CNKSR2: variants seen among roughly 807,000 people sequenced by gnomAD.
The protein encoded by CNKSR2 is connector enhancer of kinase suppressor of Ras 2.
CNKSR2 carries 14 observed loss-of-function variants against 84.4 expected under a neutral mutation model. The ratio of observed to expected loss-of-function variants is 0.17; its 90% CI spans 0.11 to 0.26. The LOEUF (loss-of-function observed/expected upper bound fraction) is 0.26. CNKSR2 is among the 10% of genes least tolerant of loss of function. The pLI, the probability that CNKSR2 is intolerant of heterozygous loss-of-function variation, is 1.00. For missense variants in CNKSR2, 485 were observed against 771.2 expected (o/e 0.63, Z 4.40); for synonymous variants, 275 against 277.9 (o/e 0.99, Z 0.10).
rs760688547 is a variant in CNKSR2 at position 21,526,279 on chromosome X, A to G, written c.958-588A>G. Among the ~76,000 whole-genome samples the G allele has an allele frequency of 2.7e-4, 30 of 111,540 alleles. No homozygotes were observed. The South Asian group carries it at 0.011, about 42-fold the overall frequency. ...TACCATAAAATGGCTTTGAGAAGACAGCTATGCTTATTTTGACAGAAAAAA... is the reference window on the plus strand; with the variant it reads ...TACCATAAAATGGCTTTGAGAAGACGGCTATGCTTATTTTGACAGAAAAAA... On this transcript the variant is annotated intron_variant, in intron 9 of 21. Transcript: ENST00000379510.
intron 13 of CNKSR2, among the ~76,000 whole-genome samples, chrX:21,582,747 T>G (rs1336356501): frequency 8.9e-6 from 1 of 112,022 alleles, no homozygotes. Flanking sequence ...AGTAAATGAT[T>G]ATTATTTTGA....
intron 8 of CNKSR2, 90 bp downstream of exon 8, chrX:21,501,678 T>G (rs949585577): frequency 7.1e-6 from 3 of 423,927 alleles, no homozygotes; most frequent in Non-Finnish European, 1.2e-5. Context: ...AAATTCCTGT[T>G]TGTATACAAA....
chrX:21,477,023 G>T (rs2091267132), intron 5 of CNKSR2, among the ~76,000 whole-genome samples: 1 of 111,869 alleles, frequency 8.9e-6, no homozygotes, highest in Non-Finnish European at 1.9e-5. Flanking sequence ...TGAGTCTGGA[G>T]TGATAAGCTC....
At chrX:21,497,960 G>A in intron 7 of CNKSR2, 114 bp downstream of exon 7, 1 of 419,642 alleles carries the variant, frequency 2.4e-6, no homozygotes, top group Non-Finnish European at 4.2e-6. Context: ...TGAACAGATA[G>A]TAGATACAAT....
intron 13 of CNKSR2, among the ~76,000 whole-genome samples, chrX:21,584,563 G>A (rs2092373498): frequency 8.9e-6 from 1 of 112,264 alleles, no homozygotes; most frequent in Non-Finnish European, 1.9e-5. Flanking sequence ...GAGGGCAATT[G>A]GGATAACAAT....
At chrX:21,540,491 A>G in intron 11 of CNKSR2, among the ~76,000 whole-genome samples, 1 of 112,121 alleles carries the variant, frequency 8.9e-6, no homozygotes, top group Non-Finnish European at 1.9e-5. Flanking sequence ...TTTGAAAATA[A>G]TGATAACGAA....
chrX:21,391,947 A>G (rs963046176), intron 1 of CNKSR2, among the ~76,000 whole-genome samples: 1 of 111,938 alleles, frequency 8.9e-6, no homozygotes, highest in Non-Finnish European at 1.9e-5. Context: ...CTTCTGCCAG[A>G]TACCCTAAAT....
chrX:21,466,117 A>G (rs1030917846), intron 4 of CNKSR2, among the ~76,000 whole-genome samples: 2 of 112,058 alleles, frequency 1.8e-5, no homozygotes, highest in African/African-American at 3.2e-5. Flanking sequence ...TTTTTTGCAT[A>G]TACAATAAAA....
intron 17 of CNKSR2, 98 bp downstream of exon 17, chrX:21,595,493 C>A: frequency 2.1e-6 from 1 of 479,531 alleles, no homozygotes; most frequent in Non-Finnish European, 3.5e-6. Flanking sequence ...GTTTCTAGGT[C>A]AATCAGTTTA....
rs757776373 is a variant in CNKSR2, at chrX:21,426,624, A to G, written c.192A>G (p.Glu64=). The change falls in exon 2 of 22, where the codon GAA becomes GAG. Residue 64 remains glutamate (E), a synonymous_variant. Coordinates refer to ENST00000379510, the MANE Select transcript of CNKSR2 (RefSeq NM_014927.5). ...GGGTCAGCCGCATTGGCCATCAGGA[A>G]CTGATCTTGGAAGCAGTTGACCTTC... ...DLGVSRIGHQ[E]LILEAVDLLC... The G allele has an allele frequency of 8.3e-5, 100 of 1,204,710 alleles. No individual in the cohort carries two copies. Among genetic ancestry groups the G allele is most frequent in the Non-Finnish European group, 1.1e-4 (96 of 893,446 alleles).
intron 5 of CNKSR2, among the ~76,000 whole-genome samples, chrX:21,472,963 C>A (rs2091216441): frequency 9.0e-6 from 1 of 110,873 alleles, no homozygotes; most frequent in Admixed American, 9.6e-5. Context: ...TTCTTAATCA[C>A]TAAATATTTT....
At chrX:21,468,072 T>TA (rs1445745263) in intron 4 of CNKSR2, among the ~76,000 whole-genome samples, 1 of 110,898 alleles carries the variant, frequency 9.0e-6, no homozygotes, top group African/African-American at 3.3e-5. Flanking sequence ...CTTCTAAAGT[T>TA]AAAAATACTT....
intron 20 of CNKSR2, among the ~76,000 whole-genome samples, chrX:21,620,890 A>T (rs771599562): frequency 3.1e-4 from 34 of 111,368 alleles, no homozygotes; most frequent in African/African-American, 9.1e-4. Context: ...CGAAGTGTTT[A>T]GGAAGAGGCT....
At chrX:21,636,842 T>C (rs2092674392) in intron 20 of CNKSR2, among the ~76,000 whole-genome samples, 1 of 111,037 alleles carries the variant, frequency 9.0e-6, no homozygotes, top group Non-Finnish European at 1.9e-5. Context: ...AAACCTTTAC[T>C]GAACGATATA....
At chrX:21,583,488 G>A (rs2092366167) in intron 13 of CNKSR2, among the ~76,000 whole-genome samples, 2 of 111,610 alleles carry the variant, frequency 1.8e-5, no homozygotes, top group Admixed American at 9.5e-5. Context: ...AAAAAAAAGT[G>A]TGGAAGCAGC....
chrX:21,401,531 T>A (rs1445164602), intron 1 of CNKSR2, among the ~76,000 whole-genome samples: 2 of 111,831 alleles, frequency 1.8e-5, no homozygotes, highest in Non-Finnish European at 3.8e-5. Flanking sequence ...TTCATAATTA[T>A]GTAGCCCTGG....
At chrX:21,636,111 C>A (rs1428179129) in intron 20 of CNKSR2, among the ~76,000 whole-genome samples, 2 of 111,242 alleles carry the variant, frequency 1.8e-5, no homozygotes, top group Non-Finnish European at 3.8e-5. Flanking sequence ...TCCCAATTTG[C>A]CTTTTCATTT....
chrX:21,643,514 T>A (rs1416686131), intron 20 of CNKSR2: 1 of 111,962 alleles, frequency 8.9e-6, no homozygotes, highest in East Asian at 2.8e-4. Flanking sequence ...ACACAAGTAC[T>A]TGATTTCAGT....
chrX:21,651,255 T>G (rs2092720320), intron 21 of CNKSR2, among the ~76,000 whole-genome samples: 1 of 112,010 alleles, frequency 8.9e-6, no homozygotes, highest in South Asian at 3.7e-4. Context: ...TGTCCCTCAT[T>G]GGTACAAATG....
Sources: allele counts gnomAD v4.1 joint callset (sites outside exome capture counted in the v4.1 genomes callset), GRCh38; gene constraint gnomAD v4.1.1; transcripts MANE v1.5; gene names NCBI Gene and HGNC (gene_info 2026-07-23, HGNC 2026-07-21).